Variants in SUGT1 observed in about 807,000 individuals in gnomAD.
The protein encoded by SUGT1 is SGT1 assembly cochaperone of MIS12 kinetochore complex.
A neutral mutation model predicts 56.1 loss-of-function variants in SUGT1; 15 were observed. That is an observed-to-expected ratio of 0.27 (90% CI 0.18 to 0.41). SUGT1 has a LOEUF of 0.41. SUGT1 is among the 10% of genes least tolerant of loss of function. The probability of loss-of-function intolerance (pLI) is 1.00; values close to 1 mark genes in which losing one functional copy is unlikely to be tolerated. For synonymous variants in SUGT1, 123 were observed against 128.6 expected (o/e 0.96, Z 0.30); for missense variants, 347 against 382.2 (o/e 0.91, Z 0.77).
chr13:52,659,351 A>C lies in SUGT1; in HGVS notation c.328+102A>C, dbSNP rs950586511. On this transcript the variant is annotated intron_variant, in intron 5 of 12. Coordinates refer to ENST00000310528, the MANE Select transcript of SUGT1 (RefSeq NM_006704.5). ...AATTTCAAGTTAATTGTAGAAACCC[A>C]ATACCTGTTTTTCTCATCTAAATTA... 1.1e-4 allele frequency: 73 copies of C among 639,490 alleles called. 1 individual carries two copies. Among genetic ancestry groups the C allele is most frequent in the Non-Finnish European group, 1.6e-4 (65 of 401,730 alleles). 39.6% of individuals were successfully genotyped at this position (639,490 alleles called of 1,614,324 possible). A position where few individuals can be genotyped will look rare whatever the true frequency, so the allele number is the denominator to read the frequency against.
intron 11 of SUGT1, among the ~76,000 whole-genome samples, chr13:52,677,886 A>G (rs1346863335): frequency 6.6e-6 from 1 of 152,178 alleles, no homozygotes; most frequent in East Asian, 1.9e-4. Flanking sequence ...TTTTTCTGAG[A>G]TTAAAGATCA....
rs1963834864 is a variant in SUGT1, at chr13:52,693,400, G to A, written c.*5565G>A. 2.0e-5 allele frequency: 3 copies of A among 152,140 alleles called. No homozygotes were observed. 9.4% of individuals were successfully genotyped at this position (152,140 alleles called of 1,614,324 possible). ...AACTGTACCCTATAATGCAGCCACAGAAGATCTAAATAATAAACAATTGCG... is the reference window on the plus strand; with the variant it reads ...AACTGTACCCTATAATGCAGCCACAAAAGATCTAAATAATAAACAATTGCG... On this transcript the variant is annotated 3_prime_UTR_variant, in exon 13 of 13. Coordinates refer to ENST00000310528, the MANE Select transcript of SUGT1 (RefSeq NM_006704.5).
intron 10 of SUGT1, among the ~76,000 whole-genome samples, chr13:52,670,173 T>C (rs1249099795): frequency 6.6e-6 from 1 of 152,196 alleles, no homozygotes; most frequent in Non-Finnish European, 1.5e-5. Context: ...TAAATATTAT[T>C]TATTTGAGTG....
At chr13:52,679,561 A>C (rs1423064239) in intron 11 of SUGT1, among the ~76,000 whole-genome samples, 1 of 127,588 alleles carries the variant, frequency 7.8e-6, no homozygotes, top group Admixed American at 8.9e-5. Flanking sequence ...TCTTAGTTAC[A>C]AAAGATTTCT....
chr13:52,662,368 TG>T (rs1477822964), intron 5 of SUGT1, among the ~76,000 whole-genome samples: 1 of 152,168 alleles, frequency 6.6e-6, no homozygotes, highest in Non-Finnish European at 1.5e-5. Context: ...GCAGCGGGAT[TG>T]GGGGAAATGC....
chr13:52,668,871 G>C (rs867033297), intron 10 of SUGT1, among the ~76,000 whole-genome samples: 1 of 151,956 alleles, frequency 6.6e-6, no homozygotes, highest in South Asian at 2.1e-4. Context: ...TGTCCATTTG[G>C]AGTTATTTAA....
chr13:52,666,619 G>A (rs181033406), intron 9 of SUGT1, among the ~76,000 whole-genome samples, 193 bp from the exon 10 acceptor site: 3 of 152,168 alleles, frequency 2.0e-5, no homozygotes, highest in Non-Finnish European at 2.9e-5. Flanking sequence ...AAGAATTCAT[G>A]TCAAGGATAC....
intron 12 of SUGT1, among the ~76,000 whole-genome samples, chr13:52,686,807 A>G (rs1963606098): frequency 1.3e-5 from 2 of 152,178 alleles, no homozygotes; most frequent in East Asian, 1.9e-4. Context: ...GCGGTGGCTC[A>G]TGCCTGTAAT....
intron 10 of SUGT1, among the ~76,000 whole-genome samples, chr13:52,675,108 C>G (rs781486655): frequency 6.6e-6 from 1 of 152,180 alleles, no homozygotes; most frequent in Non-Finnish European, 1.5e-5. Flanking sequence ...TACCCCTTCA[C>G]TCTTGCAAAT....
At chr13:52,662,732 A>G in intron 6 of SUGT1, 30 bp downstream of exon 6, 1 of 1,598,612 alleles carries the variant, frequency 6.3e-7, no homozygotes, top group Non-Finnish European at 8.5e-7. Flanking sequence ...TATTTGTTTC[A>G]ATTTAAAAAG....
At chr13:52,659,814 A>ATATATATATATATATATTT (rs1555271105) in intron 5 of SUGT1, among the ~76,000 whole-genome samples, 2 of 58,726 alleles carry the variant, frequency 3.4e-5, no homozygotes, top group Admixed American at 2.9e-4. Flanking sequence ...ATATATATAT[A>ATATATATATATATATATTT]TTTTTTTTTT....
intron 11 of SUGT1, among the ~76,000 whole-genome samples, chr13:52,677,380 C>G (rs1371581598): frequency 6.6e-6 from 1 of 152,118 alleles, no homozygotes; most frequent in African/African-American, 2.4e-5. Flanking sequence ...CCAACAGATA[C>G]TTTTTAAGGA....
In SUGT1 at chr13:52,696,188, G is replaced by A. The variant is rs1221187337; in HGVS notation, c.*8353G>A. The A allele has an allele frequency of 6.6e-6, 1 of 152,174 alleles. No homozygotes were observed. The highest frequency in any genetic ancestry group is 1.5e-5 in the Non-Finnish European group (1 of 68,056). 9.4% of individuals were successfully genotyped at this position (152,174 alleles called of 1,614,324 possible). A position where few individuals can be genotyped will look rare whatever the true frequency, so the allele number is the denominator to read the frequency against. On this transcript the variant is annotated 3_prime_UTR_variant, in exon 13 of 13. Coordinates refer to ENST00000310528, the MANE Select transcript of SUGT1 (RefSeq NM_006704.5). ...GTAGCACCTGGTACATAGAGAACAG[G>A]CTCCCAGAATTGGATGGATTTGCTC... is the stretch of plus-strand genomic sequence containing the variant.
chr13:52,682,420 C>T lies in SUGT1; in HGVS notation c.900+2265C>T, dbSNP rs1277160803. The stretch of plus-strand genomic sequence containing the variant: ...GTCTCCGTATTGCTTAGGGTGGTCT[C>T]GAACTTCTGACCTCAAGCAGTCCTT... On this transcript the variant is annotated intron_variant, in intron 12 of 12. Transcript: ENST00000310528. Among the ~76,000 whole-genome samples the T allele has an allele frequency of 2.6e-5, 4 of 152,088 alleles. No individual in the cohort carries two copies. The South Asian group carries it at 6.2e-4, about 24-fold the overall frequency.
intron 5 of SUGT1, among the ~76,000 whole-genome samples, chr13:52,662,432 A>T (rs1165622342): frequency 6.6e-6 from 1 of 152,256 alleles, no homozygotes; most frequent in Non-Finnish European, 1.5e-5. Context: ...ATTTTTAAAA[A>T]ATCAAAATGT....
In SUGT1 at chr13:52,700,162, G is replaced by A. The variant is rs774956182; in HGVS notation, c.*12327G>A. The A allele has an allele frequency of 6.6e-6, 1 of 152,020 alleles. No individual in the cohort carries two copies. The highest frequency in any genetic ancestry group is 1.5e-5 in the Non-Finnish European group (1 of 67,994). The allele number at this position is 152,020 out of a possible 1,614,324, so 9.4% of individuals were successfully genotyped here. A position where few individuals can be genotyped will look rare whatever the true frequency, so the allele number is the denominator to read the frequency against. ...ACCAATGACTTAATTTAACTTAGTG[G>A]GTATACTGTTCCCAGTCCCATTACT... On this transcript the variant is annotated 3_prime_UTR_variant, in exon 13 of 13. Coordinates refer to ENST00000310528, the MANE Select transcript of SUGT1 (RefSeq NM_006704.5).
intron 10 of SUGT1, among the ~76,000 whole-genome samples, chr13:52,668,515 A>G (rs913149518): frequency 3.3e-5 from 5 of 152,168 alleles, no homozygotes; most frequent in Non-Finnish European, 7.3e-5. Flanking sequence ...ACTTATTTGA[A>G]GATTGTCAAG....
At chr13:52,676,455 C>G in intron 11 of SUGT1, 135 bp downstream of exon 11, 1 of 701,094 alleles carries the variant, frequency 1.4e-6, no homozygotes, top group Non-Finnish European at 2.1e-6. Context: ...TAAGGTTGCT[C>G]CGTAATGAAT....
At chr13:52,683,153 G>A (rs558228971) in intron 12 of SUGT1, among the ~76,000 whole-genome samples, 1 of 152,286 alleles carries the variant, frequency 6.6e-6, no homozygotes, top group South Asian at 2.1e-4. Context: ...TTGAATAAGA[G>A]TAGTGAGAGT....
Sources: gnomAD v4.1 joint callset for allele counts (sites outside exome capture counted in the v4.1 genomes callset) on GRCh38, gnomAD v4.1.1 for gene constraint, MANE v1.5 for transcripts, NCBI Gene and HGNC (gene_info 2026-07-23, HGNC 2026-07-21) for gene names.